Variants in ARL13B observed in about 807,000 individuals in gnomAD.
The protein encoded by ARL13B is ARF like GTPase 13B, also known as ADP-ribosylation factor-like protein 13B.
ARL13B carries 36 observed loss-of-function variants against 56.1 expected under a neutral mutation model. That is an observed-to-expected ratio of 0.64 (90% CI 0.49 to 0.85). The LOEUF (loss-of-function observed/expected upper bound fraction) is 0.85. Among genes scored for constraint, ARL13B ranks in the 40% least tolerant of loss-of-function variants. The probability of loss-of-function intolerance (pLI) is 0.00; values close to 1 mark genes in which losing one functional copy is unlikely to be tolerated. For synonymous variants in ARL13B, 178 were observed against 171.1 expected, an observed-to-expected ratio of 1.04 and a Z score of -0.32; for missense variants, 519 against 507.1, an observed-to-expected ratio of 1.02 and a Z score of -0.23.
chr3:94,016,649 C>CTTTTT (rs11442452), intron 3 of ARL13B, among the ~76,000 whole-genome samples: 1 of 142,478 alleles, frequency 7.0e-6, no homozygotes, highest in South Asian at 2.2e-4. Context: ...ATTAAGCTTT[C>CTTTTT]TTTTTTTTTT....
intron 3 of ARL13B, among the ~76,000 whole-genome samples, chr3:94,016,902 C>T (rs867512866): frequency 2.6e-5 from 4 of 152,164 alleles, no homozygotes; most frequent in South Asian, 2.1e-4. Flanking sequence ...ACCTTGGCCT[C>T]CCAAAGTGCT....
chr3:94,033,825 C>T (rs936573949), intron 3 of ARL13B, among the ~76,000 whole-genome samples: 4 of 152,186 alleles, frequency 2.6e-5, no homozygotes, highest in African/African-American at 9.6e-5. Context: ...ATCTGAAACT[C>T]ATCCAGCTTC....
chr3:94,044,675 C>T (rs1319653032), intron 7 of ARL13B, among the ~76,000 whole-genome samples: 1 of 141,040 alleles, frequency 7.1e-6, no homozygotes, highest in Non-Finnish European at 1.5e-5. Flanking sequence ...TGAGGAGTGC[C>T]TCTGCCCGGC....
rs1200813094 is a variant in ARL13B at position 94,053,437 on chromosome 3, C to T, written c.*174C>T. On this transcript the variant is annotated 3_prime_UTR_variant, in exon 10 of 10. Coordinates refer to ENST00000394222, the MANE Select transcript of ARL13B (RefSeq NM_001174150.2). ...TTGATAATTACTTATTTGTGTTTTT[C>T]ATGGTTAAAAAAATAAAAGAAGCAC... 5 of 720,138 alleles carry T rather than the reference C, an allele frequency of 6.9e-6. No homozygotes were observed. The highest frequency in any genetic ancestry group is 3.4e-4 in the Middle Eastern group (1 of 2,924). 44.6% of individuals were successfully genotyped at this position (720,138 alleles called of 1,614,324 possible).
At chr3:93,980,514 AGG>A in intron 1 of ARL13B, 32 bp downstream of exon 1, 1 of 1,606,666 alleles carries the variant, frequency 6.2e-7, no homozygotes, top group African/African-American at 1.3e-5. Flanking sequence ...TGGCCGTCCT[AGG>A]GGTTGGAGAT....
intron 1 of ARL13B, among the ~76,000 whole-genome samples, chr3:93,981,129 A>G (rs754586653): frequency 1.9e-4 from 29 of 152,226 alleles, no homozygotes; most frequent in Non-Finnish European, 1.9e-4. Flanking sequence ...TTAACATTTC[A>G]TTTTGAAATG....
chr3:94,043,982 C>T (rs976224835), intron 7 of ARL13B, among the ~76,000 whole-genome samples: 8 of 151,900 alleles, frequency 5.3e-5, no homozygotes, highest in Non-Finnish European at 1.0e-4. Context: ...GGCTGGAGTG[C>T]AGTGGCGTGA....
chr3:93,992,624 C>T (rs1396592588), intron 1 of ARL13B, among the ~76,000 whole-genome samples: 3 of 152,080 alleles, frequency 2.0e-5, no homozygotes, highest in African/African-American at 2.4e-5. Flanking sequence ...GAGATTTATT[C>T]CCCAAAAGTA....
At chr3:94,004,881 A>G (rs577832280) in intron 3 of ARL13B, among the ~76,000 whole-genome samples, 3 of 152,264 alleles carry the variant, frequency 2.0e-5, no homozygotes, top group African/African-American at 7.2e-5. Context: ...AACTTTTAAC[A>G]GGGATATGTA....
At chr3:94,002,012 C>T (rs896641409) in intron 2 of ARL13B, among the ~76,000 whole-genome samples, 7 of 152,164 alleles carry the variant, frequency 4.6e-5, no homozygotes, top group Non-Finnish European at 8.8e-5. Context: ...TTCTCAGGTG[C>T]TGTGTAAACT....
intron 2 of ARL13B, 50 bp downstream of exon 2, chr3:93,995,994 A>C: frequency 6.4e-7 from 1 of 1,553,716 alleles, no homozygotes; most frequent in Non-Finnish European, 8.8e-7. Flanking sequence ...AATTATTCTG[A>C]ATTATTTATT....
intron 2 of ARL13B, among the ~76,000 whole-genome samples, chr3:93,999,746 C>T (rs777640361): frequency 5.4e-4 from 82 of 152,168 alleles, no homozygotes; most frequent in Admixed American, 1.7e-3. Context: ...AATCAAACTT[C>T]TCTTCTTCAT....
Position 94,054,153 on chromosome 3 carries a change from C to T in ARL13B, c.*890C>T, listed in dbSNP as rs1026786413. ...TACTCCCTTGTTCCATCAGAAGCTG[C>T]AGTGACTCTTTTAGGTGATTCTAAT... On this transcript the variant is annotated 3_prime_UTR_variant, in exon 10 of 10. Transcript: ENST00000394222. The T allele has an allele frequency of 2.2e-6, 1 of 453,118 alleles. No individual in the cohort carries two copies. The highest frequency in any genetic ancestry group is 4.4e-6 in the Non-Finnish European group (1 of 226,244). 28.1% of individuals were successfully genotyped at this position (453,118 alleles called of 1,614,324 possible). A position where few individuals can be genotyped will look rare whatever the true frequency, so the allele number is the denominator to read the frequency against.
chr3:94,032,118 T>C (rs1353540206), intron 3 of ARL13B, among the ~76,000 whole-genome samples: 1 of 152,156 alleles, frequency 6.6e-6, no homozygotes, highest in African/African-American at 2.4e-5. Flanking sequence ...AAGTAATCAA[T>C]GGAGCAAACA....
chr3:94,046,014 A>G (rs1389017890), intron 7 of ARL13B, among the ~76,000 whole-genome samples: 1 of 151,850 alleles, frequency 6.6e-6, no homozygotes, highest in Admixed American at 6.6e-5. Context: ...TGATCATAAC[A>G]GTATAGTATT....
At chr3:94,004,631 TAA>T (rs200143702) in intron 3 of ARL13B, among the ~76,000 whole-genome samples, 4 of 141,930 alleles carry the variant, frequency 2.8e-5, no homozygotes, top group Admixed American at 1.4e-4. Flanking sequence ...TATTAAGGAT[TAA>T]AAAAAAAAAA....
chr3:94,038,357 C>A (rs1163108971), intron 5 of ARL13B, among the ~76,000 whole-genome samples: 3 of 151,972 alleles, frequency 2.0e-5, no homozygotes, highest in African/African-American at 4.8e-5. Flanking sequence ...TCTTGGCTTC[C>A]TAGGTTCATA....
intron 1 of ARL13B, among the ~76,000 whole-genome samples, chr3:93,989,462 C>T (rs1710633195): frequency 6.6e-6 from 1 of 151,964 alleles, no homozygotes; most frequent in Non-Finnish European, 1.5e-5. Flanking sequence ...GAATCCTCGG[C>T]ATGGCAGGCT....
At chr3:93,985,251 A>G (rs762426485) in intron 1 of ARL13B, among the ~76,000 whole-genome samples, 22 of 152,198 alleles carry the variant, frequency 1.4e-4, no homozygotes, top group Non-Finnish European at 3.2e-4. Flanking sequence ...CTGTGAAGCT[A>G]TGATGCTCAG....
Sources: allele counts gnomAD v4.1 joint callset (sites outside exome capture counted in the v4.1 genomes callset), GRCh38; gene constraint gnomAD v4.1.1; transcripts MANE v1.5; gene names NCBI Gene and HGNC (gene_info 2026-07-23, HGNC 2026-07-21).